The following ZNF831 variants were observed in gnomAD, a reference collection of about 807,000 sequenced individuals.
The protein encoded by ZNF831 is zinc finger protein 831, also known as chromosome 20 open reading frame 174.
In ZNF831, 59 loss-of-function variants were observed where a neutral mutation model predicts 95.8. That is an observed-to-expected ratio of 0.62 (90% CI 0.50 to 0.77). The LOEUF (loss-of-function observed/expected upper bound fraction) is 0.77, where lower values mean the gene tolerates loss of function less well. ZNF831 is among the 30% of genes least tolerant of loss of function. The pLI is 0.00. For synonymous variants in ZNF831, 961 were observed against 925.5 expected (o/e 1.04, Z -0.70); for missense variants, 2,205 against 2,164.0 (o/e 1.02, Z -0.38).
Position 59,194,091 on chromosome 20 carries a change from G to A in ZNF831, c.3072G>A (p.Gly1024=), listed in dbSNP as rs754399348. 7 of 1,545,170 alleles carry A rather than the reference G, an allele frequency of 4.5e-6. No individual in the cohort carries two copies. The highest frequency in any genetic ancestry group is 4.5e-5 in the East Asian group (2 of 44,334). The change falls in exon 2 of 6, where the codon GGG becomes GGA. Residue 1024 remains glycine, a synonymous_variant. Coordinates refer to ENST00000371030, the MANE Select transcript of ZNF831 (RefSeq NM_178457.3). The stretch of plus-strand genomic sequence containing the variant: ...GGAGAAAAGGGGCACAGTTGGGGGG[G>A]GACAAGGGGGACAGGATGGCCACTA... ...QDGRKGAQLG[G]DKGDRMATSR... is the part of the protein sequence containing the mutation.
chr20:59,224,851 A>G (rs1238770306), intron 4 of ZNF831, among the ~76,000 whole-genome samples: 2 of 152,252 alleles, frequency 1.3e-5, no homozygotes, highest in Non-Finnish European at 2.9e-5. Context: ...GATTTTTAAA[A>G]GTCCCTGCAT....
chr20:59,188,199 T>C (rs140675512), intron 1 of ZNF831, among the ~76,000 whole-genome samples: 1 of 152,356 alleles, frequency 6.6e-6, no homozygotes, highest in Non-Finnish European at 1.5e-5. Context: ...GTAATACATG[T>C]TTAACTTTTT....
chr20:59,205,107 C>T (rs147982491), intron 3 of ZNF831, among the ~76,000 whole-genome samples: 1 of 152,254 alleles, frequency 6.6e-6, no homozygotes, highest in East Asian at 1.9e-4. Flanking sequence ...GAAAGTAAAA[C>T]CTCCCTGCAG....
chr20:59,145,340 G>T (rs535065857), intron 1 of ZNF831, among the ~76,000 whole-genome samples: 2 of 152,176 alleles, frequency 1.3e-5, no homozygotes, highest in African/African-American at 4.8e-5. Context: ...AGGAGGGGTC[G>T]GTCCTTTAAG....
In ZNF831 at chr20:59,242,173, C is replaced by T. The variant is rs185864756; in HGVS notation, c.4028-10805C>T. Among the ~76,000 whole-genome samples the T allele has an allele frequency of 7.4e-3, 1,119 of 152,206 alleles. 15 individuals are homozygous for T. The highest frequency in any genetic ancestry group is 0.023 in the African/African-American group (962 of 41,526). ...TCTAGTTTGACAAGAGCCCATTTTTCCCCCCTCAGGATTAATGAAGGAGAG... is the reference window on the plus strand; with the variant it reads ...TCTAGTTTGACAAGAGCCCATTTTTTCCCCCTCAGGATTAATGAAGGAGAG... On this transcript the variant is annotated intron_variant, in intron 4 of 5. Transcript: ENST00000371030.
At position 59,204,755 on chromosome 20, in the gene ZNF831, G is replaced by A. The variant is rs190449421; in HGVS notation, c.3876-2150G>A. The stretch of plus-strand genomic sequence containing the variant: ...TGCGGAGGTGCAGCCTGACGAAAGT[G>A]TCCTGGATGGGGCCCCAACAGCACT... On this transcript the variant is annotated intron_variant, in intron 3 of 5. Coordinates refer to ENST00000371030, the MANE Select transcript of ZNF831 (RefSeq NM_178457.3). Among the ~76,000 whole-genome samples, 6 of 152,300 alleles carry A rather than the reference G, an allele frequency of 3.9e-5. No individual in the cohort carries two copies. In the East Asian group the frequency reaches 9.6e-4, roughly 24 times the overall value.
intron 4 of ZNF831, among the ~76,000 whole-genome samples, chr20:59,227,351 C>T (rs544841672): frequency 8.1e-4 from 124 of 152,306 alleles, no homozygotes; most frequent in African/African-American, 2.8e-3. Context: ...ATCTCTTACA[C>T]TGAGACATAT....
At chr20:59,173,838 A>T (rs971339978) in intron 1 of ZNF831, among the ~76,000 whole-genome samples, 3 of 152,188 alleles carry the variant, frequency 2.0e-5, no homozygotes, top group Admixed American at 6.5e-5. Context: ...CGTAGGAATG[A>T]TTAGTTACAA....
At chr20:59,152,327 T>C (rs76828114) in intron 2 of ZNF831, among the ~76,000 whole-genome samples, 15,644 of 151,998 alleles carry the variant, frequency 0.1, 873 homozygotes, top group Non-Finnish European at 0.12. Context: ...GATCACCACT[T>C]ACAGGGGGTT....
Position 59,254,641 on chromosome 20 carries a change from A to G in ZNF831, c.4932A>G (p.Lys1644=), listed in dbSNP as rs2146773199. Residue 1644 remains lysine, a synonymous_variant, in exon 6 of 6, where the codon AAA becomes AAG. Transcript: ENST00000371030. The surrounding 1 kb of genome is among the most constrained non-coding windows in gnomAD (Gnocchi z 4.5). ...TAGAAATTCCTGAAGCCCCTTCTAA[A>G]TCCCTCAAGAAGAGGAGTCTGGAAG... ...QPIEIPEAPS[K]SLKKRSLEGM... is the part of the protein sequence containing the mutation. 1.2e-6 allele frequency: 2 copies of G among 1,614,090 alleles called. No homozygotes were observed. The highest frequency in any genetic ancestry group is 8.5e-7 in the Non-Finnish European group (1 of 1,180,034).
At chr20:59,224,415 G>A (rs1232588564) in intron 4 of ZNF831, among the ~76,000 whole-genome samples, 1 of 152,112 alleles carries the variant, frequency 6.6e-6, no homozygotes, top group Non-Finnish European at 1.5e-5. Context: ...CTTCTGCCTC[G>A]TCCCATCCCA....
intron 2 of ZNF831, among the ~76,000 whole-genome samples, chr20:59,195,634 T>C (rs573761092): frequency 1.3e-5 from 2 of 152,318 alleles, no homozygotes; most frequent in African/African-American, 2.4e-5. Context: ...TTAACACCGA[T>C]GGCATAGGCT....
intron 2 of ZNF831, among the ~76,000 whole-genome samples, chr20:59,151,787 C>A (rs1356021791): frequency 1.3e-5 from 2 of 152,202 alleles, no homozygotes; most frequent in Admixed American, 6.5e-5. Context: ...GCCGGCTGAG[C>A]CCCATGTATT....
rs1383096111 is a variant in ZNF831 at position 59,192,796 on chromosome 20, C to G, written c.1777C>G (p.Arg593Gly). Residue 593 changes from arginine to glycine, a missense_variant, in exon 2 of 6, where the codon CGG (arginine) becomes GGG (glycine). Arg to Gly is a moderately radical substitution (Grantham distance 125). Transcript: ENST00000371030. The surrounding 1 kb of genome is among the most constrained non-coding windows in gnomAD (Gnocchi z 5.2). ...CACAGACGCAAAGAGAACTGCTGCGCGGGAGGCCATGGCCGGCAAGGGCAG... is the reference window on the plus strand; with the variant it reads ...CACAGACGCAAAGAGAACTGCTGCGGGGGAGGCCATGGCCGGCAAGGGCAG... Reference protein sequence around the residue: ...EDTDAKRTAAREAMAGKGRAG... With the variant: ...EDTDAKRTAAGEAMAGKGRAG... 6.2e-7 allele frequency: 1 copy of G among 1,612,060 alleles called. No individual in the cohort carries two copies. Among genetic ancestry groups the G allele is most frequent in the East Asian group, 2.2e-5 (1 of 44,886 alleles).
chr20:59,132,655 T>A (rs541899803), intron 1 of ZNF831, among the ~76,000 whole-genome samples: 1 of 152,390 alleles, frequency 6.6e-6, no homozygotes, highest in South Asian at 2.1e-4. Context: ...TTGCCTATTT[T>A]TTTTTCAATT....
chr20:59,131,831 G>A (rs978166865), intron 1 of ZNF831, among the ~76,000 whole-genome samples: 1 of 152,234 alleles, frequency 6.6e-6, no homozygotes, highest in Admixed American at 6.5e-5. Context: ...TCCAGGCATG[G>A]CCAGGTCTTT....
chr20:59,239,772 T>C (rs1178826382), intron 4 of ZNF831, among the ~76,000 whole-genome samples: 1 of 152,244 alleles, frequency 6.6e-6, no homozygotes, highest in African/African-American at 2.4e-5. Flanking sequence ...CTTGAACTCC[T>C]GACCTCAGGC....
At chr20:59,139,912 G>C (rs956432362) in intron 1 of ZNF831, among the ~76,000 whole-genome samples, 3 of 152,192 alleles carry the variant, frequency 2.0e-5, no homozygotes, top group African/African-American at 7.2e-5. Flanking sequence ...ATTGGACTCA[G>C]TGTAAAGTAG....
chr20:59,137,386 T>A (rs761913129), intron 1 of ZNF831, among the ~76,000 whole-genome samples: 46 of 152,244 alleles, frequency 3.0e-4, no homozygotes, highest in Non-Finnish European at 5.0e-4. Flanking sequence ...TCACCAATGA[T>A]GTCAGGTTGG....
Sources: allele counts gnomAD v4.1 joint callset (sites outside exome capture counted in the v4.1 genomes callset), GRCh38; gene constraint gnomAD v4.1.1; non-coding constraint Gnocchi (gnomAD v3.1); transcripts MANE v1.5; gene names NCBI Gene and HGNC (gene_info 2026-07-23, HGNC 2026-07-21).